Variants in NRG3 observed in about 807,000 individuals in gnomAD.
The protein encoded by NRG3 is neuregulin 3, also known as pro-neuregulin-3, membrane-bound isoform.
In NRG3, 31 loss-of-function variants were observed where a neutral mutation model predicts 66.9. The observed-to-expected ratio is 0.46, with a 90% CI of 0.35 to 0.63. The LOEUF is 0.63. NRG3 is among the 20% of genes least tolerant of loss of function. NRG3 has a pLI of 0.00. For missense variants in NRG3, 910 were observed against 878.9 expected (o/e 1.04, Z -0.45); for synonymous variants, 393 against 359.4 (o/e 1.09, Z -1.06).
chr10:82,133,402 C>T (rs915459401), intron 1 of NRG3, among the ~76,000 whole-genome samples: 1 of 152,122 alleles, frequency 6.6e-6, no homozygotes, highest in Non-Finnish European at 1.5e-5. Context: ...CTGTTCGTCT[C>T]CCTCCTGCCA....
intron 1 of NRG3, among the ~76,000 whole-genome samples, chr10:82,265,135 AACC>A (rs2078230744): frequency 1.3e-5 from 2 of 152,178 alleles, no homozygotes; most frequent in African/African-American, 4.8e-5. Flanking sequence ...ATAGTAAATT[AACC>A]ACCAAAATTG....
At chr10:81,978,615 A>G (rs1281060979) in intron 1 of NRG3, among the ~76,000 whole-genome samples, 1 of 152,224 alleles carries the variant, frequency 6.6e-6, no homozygotes, top group African/African-American at 2.4e-5. Context: ...AAGAAGAAAC[A>G]AATAATAGGA....
chr10:82,900,697 A>AGGTTGG (rs1844135061), intron 4 of NRG3, among the ~76,000 whole-genome samples: 3 of 152,192 alleles, frequency 2.0e-5, no homozygotes, highest in Admixed American at 2.0e-4. Context: ...TCCCCATTTT[A>AGGTTGG]CAAATGAAGA....
intron 1 of NRG3, among the ~76,000 whole-genome samples, chr10:82,054,882 C>T (rs7074645): frequency 0.084 from 12,715 of 151,692 alleles, 1,778 homozygotes; most frequent in African/African-American, 0.29. Context: ...TGCCTGTAGT[C>T]CCAGCTACTA....
chr10:82,803,977 A>C (rs1233381850), intron 3 of NRG3, among the ~76,000 whole-genome samples: 1 of 152,130 alleles, frequency 6.6e-6, no homozygotes, highest in East Asian at 1.9e-4. Context: ...ACTGTGATGA[A>C]ATTTCACACC....
intron 2 of NRG3, among the ~76,000 whole-genome samples, chr10:82,413,664 A>C (rs2088301262): frequency 6.6e-6 from 1 of 152,114 alleles, no homozygotes; most frequent in Non-Finnish European, 1.5e-5. Context: ...AAGCTGTTTC[A>C]TCCATATTGA....
chr10:82,645,665 C>G (rs890658891), intron 2 of NRG3, among the ~76,000 whole-genome samples: 5 of 152,098 alleles, frequency 3.3e-5, no homozygotes. Context: ...AGAATATGAA[C>G]TCTTCTTGAA....
intron 1 of NRG3, among the ~76,000 whole-genome samples, chr10:82,356,654 T>C (rs772483918): frequency 3.3e-5 from 5 of 152,342 alleles, no homozygotes; most frequent in African/African-American, 9.6e-5. Context: ...TAAGTTCCCA[T>C]TGCAATACCA....
intron 2 of NRG3, among the ~76,000 whole-genome samples, chr10:82,600,283 A>G (rs559503399): frequency 9.8e-5 from 15 of 152,306 alleles, no homozygotes; most frequent in African/African-American, 3.1e-4. Context: ...ATCAATGATT[A>G]GATTTTATCT....
chr10:81,994,410 A>T (rs1427749464), intron 1 of NRG3, among the ~76,000 whole-genome samples: 3 of 152,110 alleles, frequency 2.0e-5, no homozygotes, highest in South Asian at 2.1e-4. Context: ...GGTAATATTT[A>T]AAAAAATCAT....
chr10:82,604,493 A>G (rs1197941102), intron 2 of NRG3, among the ~76,000 whole-genome samples: 1 of 152,154 alleles, frequency 6.6e-6, no homozygotes, highest in Non-Finnish European at 1.5e-5. Flanking sequence ...CAGCTGTTAT[A>G]CACATTTGTG....
intron 1 of NRG3, among the ~76,000 whole-genome samples, chr10:81,885,996 T>A (rs1292368857): frequency 6.6e-6 from 1 of 152,072 alleles, no homozygotes; most frequent in African/African-American, 2.4e-5. Flanking sequence ...GTTTCTGGAT[T>A]AAAAAACTAA....
At chr10:82,294,207 C>T in intron 1 of NRG3, among the ~76,000 whole-genome samples, 1 of 152,266 alleles carries the variant, frequency 6.6e-6, no homozygotes, top group South Asian at 2.1e-4. Context: ...ACATTTCACT[C>T]CCCACTAAAC....
At chr10:81,898,699 GTT>G (rs574810616) in intron 1 of NRG3, among the ~76,000 whole-genome samples, 9 of 144,558 alleles carry the variant, frequency 6.2e-5, no homozygotes, top group African/African-American at 1.3e-4. Context: ...TGTTTGAAGA[GTT>G]TTTTTTTTTT....
intron 4 of NRG3, among the ~76,000 whole-genome samples, chr10:82,894,838 C>T (rs1843495041): frequency 1.3e-5 from 2 of 152,236 alleles, no homozygotes; most frequent in Non-Finnish European, 2.9e-5. Context: ...ATCAACCCGT[C>T]ATCTAGGTTT....
chr10:82,846,061 C>T (rs1387007558), intron 3 of NRG3, among the ~76,000 whole-genome samples: 1 of 152,108 alleles, frequency 6.6e-6, no homozygotes, highest in African/African-American at 2.4e-5. Flanking sequence ...ACATTACCCC[C>T]GGAGAGATGA....
intron 1 of NRG3, among the ~76,000 whole-genome samples, chr10:81,957,673 G>A (rs1849972404): frequency 6.6e-6 from 1 of 152,176 alleles, no homozygotes; most frequent in Non-Finnish European, 1.5e-5. Flanking sequence ...CTGGATAGGA[G>A]CAATTACATC....
chr10:82,985,255 G>T lies in NRG3; in HGVS notation c.1741G>T (p.Gly581Cys), dbSNP rs1853339235. 1 of 1,613,996 alleles carries T rather than the reference G, an allele frequency of 6.2e-7. No homozygotes were observed. Among genetic ancestry groups the T allele is most frequent in the African/African-American group, 1.3e-5 (1 of 74,920 alleles). ...ASSVPIIPSV[G>C]LEETCLQMPG... ...TTCTGTGCCCATCATCCCTTCAGTG[G>T]GTTTAGAGGAAACCTGCCTGCAAAT... The change falls in exon 9 of 9, where the codon GGT becomes TGT. Residue 581 changes from glycine to cysteine, a missense_variant. Coordinates refer to ENST00000372141, the MANE Select transcript of NRG3 (RefSeq NM_001010848.4).
At chr10:82,841,143 A>G (rs117417592) in intron 3 of NRG3, among the ~76,000 whole-genome samples, 2,292 of 152,254 alleles carry the variant, frequency 0.015, 25 homozygotes, top group Non-Finnish European at 0.021. Context: ...CCAAAAGCCC[A>G]GGAACACAAA....
Sources: gnomAD v4.1 joint callset for allele counts (sites outside exome capture counted in the v4.1 genomes callset) on GRCh38, gnomAD v4.1.1 for gene constraint, MANE v1.5 for transcripts, NCBI Gene and HGNC (gene_info 2026-07-23, HGNC 2026-07-21) for gene names.